The following LRCH2 variants were observed in gnomAD, a reference collection of about 807,000 sequenced individuals.
The protein encoded by LRCH2 is leucine-rich repeat and calponin homology domain-containing protein 2.
A neutral mutation model predicts 68.9 loss-of-function variants in LRCH2; 38 were observed. The ratio of observed to expected loss-of-function variants is 0.55; its 90% CI spans 0.43 to 0.72. The LOEUF is 0.72. Ranked by LOEUF, LRCH2 falls within the 30% of genes least tolerant of loss-of-function variation. LRCH2 has a pLI of 0.00. For missense variants in LRCH2, 528 were observed against 572.9 expected (o/e 0.92, Z 0.80); for synonymous variants, 191 against 208.1 (o/e 0.92, Z 0.71).
intron 5 of LRCH2, among the ~76,000 whole-genome samples, chrX:115,174,998 G>A (rs2072636205): frequency 9.0e-6 from 1 of 111,552 alleles, no homozygotes; most frequent in Non-Finnish European, 1.9e-5. Context: ...AGGGCTGAAA[G>A]TTGAGGTGAT....
At chrX:115,228,300 T>G (rs1014756450) in intron 1 of LRCH2, among the ~76,000 whole-genome samples, 4 of 111,614 alleles carry the variant, frequency 3.6e-5, no homozygotes, top group African/African-American at 1.3e-4. Flanking sequence ...AGATAACTGA[T>G]TATAAGAGTA....
At chrX:115,156,728 A>T (rs6644191) in intron 11 of LRCH2, 61 bp from the exon 12 acceptor site, 76,533 of 690,367 alleles carry the variant, frequency 0.11, 3,143 homozygotes, top group Middle Eastern at 0.12. Flanking sequence ...CACATGATAT[A>T]AAAAAAATCT....
At position 115,179,453 on chromosome X, in the gene LRCH2, T is replaced by A. The variant is rs2072675263; in HGVS notation, c.838A>T (p.Asn280Tyr). ...HHLQVIILDN[N>Y]PLQVPPAQIC... Reference sequence around the variant, plus strand: ...TGTGCTGGTGGTACTTGCAATGGATTGTTATCCAAAATTATTACTTGTAAA... The same window carrying A: ...TGTGCTGGTGGTACTTGCAATGGATAGTTATCCAAAATTATTACTTGTAAA... Residue 280 changes from asparagine to tyrosine, a missense_variant, in exon 5 of 21, where the codon AAT becomes TAT. Asn to Tyr is a moderately radical substitution (Grantham distance 143). Coordinates refer to ENST00000317135, the MANE Select transcript of LRCH2 (RefSeq NM_020871.4). The A allele has an allele frequency of 8.8e-7, 1 of 1,142,313 alleles. No individual in the cohort carries two copies. Among genetic ancestry groups the A allele is most frequent in the Admixed American group, 2.9e-5 (1 of 34,958 alleles). The allele number at this position is 1,142,313 out of a possible 1,213,427, so 94.1% of individuals were successfully genotyped here.
intron 14 of LRCH2, among the ~76,000 whole-genome samples, chrX:115,133,872 G>GTT (rs2072266789): frequency 9.0e-6 from 1 of 111,708 alleles, no homozygotes; most frequent in Non-Finnish European, 1.9e-5. Flanking sequence ...AAAAGAAATA[G>GTT]TATGTCTTTC....
intron 5 of LRCH2, among the ~76,000 whole-genome samples, chrX:115,172,561 A>G (rs1556547844): frequency 9.0e-6 from 1 of 111,717 alleles, no homozygotes; most frequent in Non-Finnish European, 1.9e-5. Flanking sequence ...ATTCACAGAT[A>G]AACTCTACAG....
Position 115,184,655 on chromosome X carries a change from A to G in LRCH2, c.495-118T>C, listed in dbSNP as rs1213024758. 47 of 627,897 alleles carry G rather than the reference A, an allele frequency of 7.5e-5. No individual in the cohort carries two copies. In the East Asian group the frequency reaches 1.8e-3, roughly 24 times the overall value. 51.7% of individuals were successfully genotyped at this position (627,897 alleles called of 1,213,427 possible). ...ATCACTAAGTAATAACTTAATAAGTACTTGCTGAGTGCTCACTTTGTATCA... is the reference window on the plus strand; with the variant it reads ...ATCACTAAGTAATAACTTAATAAGTGCTTGCTGAGTGCTCACTTTGTATCA... On this transcript the variant is annotated intron_variant, in intron 2 of 20. Coordinates refer to ENST00000317135, the MANE Select transcript of LRCH2 (RefSeq NM_020871.4).
In LRCH2 at chrX:115,125,544, T is replaced by TC. The variant is rs2072186538; in HGVS notation, c.1791+1298_1791+1299insG. On this transcript the variant is annotated intron_variant, in intron 16 of 20. Coordinates refer to ENST00000317135, the MANE Select transcript of LRCH2 (RefSeq NM_020871.4). Reference sequence around the variant, plus strand: ...ATATATATATATATATATATATATATATATATATATATATATATATATATA... The same window carrying TC: ...ATATATATATATATATATATATATATCATATATATATATATATATATATATA... Among the ~76,000 whole-genome samples the TC allele has an allele frequency of 1.3e-4, 2 of 15,710 alleles. 1 individual carries two copies. Among genetic ancestry groups the TC allele is most frequent in the African/African-American group, 7.7e-4 (2 of 2,597 alleles). 13.6% of individuals were successfully genotyped at this position (15,710 alleles called of 115,157 possible).
chrX:115,190,180 C>T (rs1556556889), intron 1 of LRCH2: 5 of 1,166,401 alleles, frequency 4.3e-6, no homozygotes, highest in Non-Finnish European at 5.7e-6. Flanking sequence ...GCCCCCGTGC[C>T]GCGACCCTGG....
intron 1 of LRCH2, 69 bp from the exon 2 acceptor site, chrX:115,188,439 C>T (rs2072750662): frequency 1.3e-6 from 1 of 744,957 alleles, no homozygotes; most frequent in Non-Finnish European, 1.8e-6. Flanking sequence ...TATTTTCACA[C>T]TTGCTGAATC....
At chrX:115,153,961 C>T (rs1323303912) in intron 12 of LRCH2, among the ~76,000 whole-genome samples, 1 of 111,390 alleles carries the variant, frequency 9.0e-6, no homozygotes, top group Non-Finnish European at 1.9e-5. Flanking sequence ...CGTAGATTGT[C>T]AGATTCAATA....
Position 115,192,166 on chromosome X carries a change from AGAG to A in LRCH2, c.350-3799_350-3797del, listed in dbSNP as rs1339543688. ...CTATGGCCGGAGTGACCATTACGGA[AGAG>A]GAGGCTGCTACGAGGAATACCAAGG... On this transcript the variant is annotated intron_variant, in intron 1 of 20. Coordinates refer to ENST00000317135, the MANE Select transcript of LRCH2 (RefSeq NM_020871.4). The A allele has an allele frequency of 2.0e-5, 23 of 1,161,896 alleles. No individual in the cohort carries two copies. In the East Asian group the frequency reaches 5.6e-4, roughly 28 times the overall value.
In LRCH2 at chrX:115,139,559, A is replaced by T. The variant is rs781971070; in HGVS notation, c.1696-9360T>A. On this transcript the variant is annotated intron_variant, in intron 14 of 20. Coordinates refer to ENST00000317135, the MANE Select transcript of LRCH2 (RefSeq NM_020871.4). ...CACTTTGGGAGGCCTGGGCAGGCAG[A>T]TCACGAGGTCAGGAGTTTGAGACCA... Among the ~76,000 whole-genome samples, 3 of 111,941 alleles carry T rather than the reference A, an allele frequency of 2.7e-5. No individual in the cohort carries two copies. In the South Asian group the frequency reaches 1.1e-3, roughly 42 times the overall value.
chrX:115,133,870 T>C (rs1410897828), intron 14 of LRCH2, among the ~76,000 whole-genome samples: 1 of 111,585 alleles, frequency 9.0e-6, no homozygotes, highest in Non-Finnish European at 1.9e-5. Context: ...TGAAAAGAAA[T>C]AGTATGTCTT....
chrX:115,170,527 C>CT, intron 5 of LRCH2, 95 bp from the exon 6 acceptor site: 3 of 783,062 alleles, frequency 3.8e-6, no homozygotes, highest in Non-Finnish European at 5.1e-6. Context: ...TACATTGAGA[C>CT]ATCACAATCT....
At chrX:115,118,720 G>A (rs1221107329) in intron 20 of LRCH2, among the ~76,000 whole-genome samples, 2 of 111,071 alleles carry the variant, frequency 1.8e-5, no homozygotes, top group Non-Finnish European at 3.8e-5. Context: ...AACCAAAAAA[G>A]AGAATTTCAG....
At chrX:115,142,720 G>A (rs1426469374) in intron 14 of LRCH2, among the ~76,000 whole-genome samples, 1 of 111,386 alleles carries the variant, frequency 9.0e-6, no homozygotes, top group East Asian at 2.8e-4. Context: ...TACATCAAAA[G>A]AGAAGAAAAA....
At chrX:115,118,203 C>T (rs2072100846) in intron 20 of LRCH2, among the ~76,000 whole-genome samples, 1 of 109,216 alleles carries the variant, frequency 9.2e-6, no homozygotes, top group African/African-American at 3.3e-5. Context: ...TTTTTTTAAC[C>T]CTTCAAAAAA....
intron 1 of LRCH2, among the ~76,000 whole-genome samples, chrX:115,205,853 A>T (rs1020298755): frequency 1.4e-4 from 15 of 110,392 alleles, no homozygotes; most frequent in African/African-American, 5.0e-4. Context: ...CAGGAAAATC[A>T]CTTGAACCTG....
At chrX:115,206,151 A>T (rs1478223125) in intron 1 of LRCH2, among the ~76,000 whole-genome samples, 2 of 112,463 alleles carry the variant, frequency 1.8e-5, no homozygotes, top group Non-Finnish European at 3.8e-5. Flanking sequence ...AAGTAATATT[A>T]GAAGCTCCCT....
Sources: gnomAD v4.1 joint callset for allele counts (sites outside exome capture counted in the v4.1 genomes callset) on GRCh38, gnomAD v4.1.1 for gene constraint, MANE v1.5 for transcripts, NCBI Gene and HGNC (gene_info 2026-07-23, HGNC 2026-07-21) for gene names.